The following DOCK9 variants were observed in gnomAD, a reference collection of about 807,000 sequenced individuals.
DOCK9 encodes the protein dedicator of cytokinesis protein 9.
In DOCK9, 89 loss-of-function variants were observed where a neutral mutation model predicts 263.3. The ratio of observed to expected loss-of-function variants is 0.34; its 90% CI spans 0.28 to 0.40. The LOEUF is 0.40. Among genes scored for constraint, DOCK9 ranks in the 10% least tolerant of loss-of-function variants. The probability of loss-of-function intolerance (pLI) is 1.00; values close to 1 mark genes in which losing one functional copy is unlikely to be tolerated. For missense variants in DOCK9, 2,140 were observed against 2,603.4 expected, an observed-to-expected ratio of 0.82 and a Z score of 3.87; for synonymous variants, 976 against 973.1, an observed-to-expected ratio of 1.00 and a Z score of -0.06.
At chr13:98,850,434 T>C (rs2093530970) in intron 35 of DOCK9, among the ~76,000 whole-genome samples, 1 of 152,212 alleles carries the variant, frequency 6.6e-6, no homozygotes, top group Non-Finnish European at 1.5e-5. Context: ...AGAATACAAG[T>C]GGACATATAA....
At position 98,810,273 on chromosome 13, in the gene DOCK9, G is replaced by C; in HGVS notation, c.5149C>G (p.Leu1717Val). The stretch of plus-strand genomic sequence containing the variant: ...CAGAGTCCATCTGCGCACTGCTCAA[G>C]GAGCTCCATCAGCACATCCTGATCA... ...HFNEDVLMELLEQCADGLWKA... is the reference protein window; with the variant it reads ...HFNEDVLMELVEQCADGLWKA... The change falls in exon 46 of 53, where the codon CTT becomes GTT. Residue 1717 changes from leucine (L) to valine (V), a missense_variant. This residue lies in a region of DOCK9 where 619 missense variants were observed against 861.8 expected (regional missense o/e 0.72). Coordinates refer to ENST00000682017, the MANE Select transcript of DOCK9 (RefSeq NM_001366683.2). 1 of 1,613,688 alleles carries C rather than the reference G, an allele frequency of 6.2e-7. No individual in the cohort carries two copies.
At position 98,938,632 on chromosome 13, in the gene DOCK9, T is replaced by C. The variant is rs566244640; in HGVS notation, c.244-8375A>G. Among the ~76,000 whole-genome samples, 9 of 152,358 alleles carry C rather than the reference T, an allele frequency of 5.9e-5. No homozygotes were observed. The East Asian group carries it at 1.5e-3, about 26-fold the overall frequency. Reference sequence around the variant, plus strand: ...TAAAAGGCAGGGAAGATTCACTATGTAGATTTAAATAAATATAAGAGTGAG... The same window carrying C: ...TAAAAGGCAGGGAAGATTCACTATGCAGATTTAAATAAATATAAGAGTGAG... On this transcript the variant is annotated intron_variant, in intron 2 of 52. Coordinates refer to ENST00000682017, the MANE Select transcript of DOCK9 (RefSeq NM_001366683.2).
intron 2 of DOCK9, among the ~76,000 whole-genome samples, chr13:98,945,723 T>C (rs1213010252): frequency 3.9e-5 from 6 of 152,232 alleles, no homozygotes; most frequent in Non-Finnish European, 8.8e-5. Context: ...TGGTTGATAA[T>C]TCATTTGTTT....
chr13:99,048,191 CTGTTT>C (rs368509325), intron 1 of DOCK9, among the ~76,000 whole-genome samples: 4,244 of 152,164 alleles, frequency 0.028, 96 homozygotes, highest in South Asian at 0.062. Flanking sequence ...ACAGTTTTAT[CTGTTT>C]TGTTTTGTTT....
Position 98,829,336 on chromosome 13 carries a change from T to A in DOCK9, c.4936A>T (p.Ile1646Phe). Reference sequence around the variant, plus strand: ...GAGAGATCGCCATTTTTGACATGGATCCTGGCCATGCTGTCGAGCCACGTC... The same window carrying A: ...GAGAGATCGCCATTTTTGACATGGAACCTGGCCATGCTGTCGAGCCACGTC... Reference protein sequence around the residue: ...RKTWLDSMARIHVKNGDLSEA... With the variant: ...RKTWLDSMARFHVKNGDLSEA... Residue 1646 changes from isoleucine to phenylalanine, a missense_variant, in exon 43 of 53, where the codon ATC (isoleucine) becomes TTC (phenylalanine). Transcript: ENST00000682017. The surrounding 1 kb of genome is among the most constrained non-coding windows in gnomAD (Gnocchi z 4.1). 1 of 1,613,190 alleles carries A rather than the reference T, an allele frequency of 6.2e-7. No homozygotes were observed. The highest frequency in any genetic ancestry group is 8.5e-7 in the Non-Finnish European group (1 of 1,179,630).
intron 2 of DOCK9, among the ~76,000 whole-genome samples, chr13:98,930,891 G>A (rs765935077): frequency 5.9e-5 from 9 of 152,276 alleles, no homozygotes; most frequent in South Asian, 2.1e-4. Context: ...TGATCCACCC[G>A]CCTCGGCCTC....
chr13:99,029,969 T>A lies in DOCK9; in HGVS notation c.129+56254A>T, dbSNP rs79367689. Among the ~76,000 whole-genome samples the A allele has an allele frequency of 6.5e-3, 988 of 152,290 alleles. 8 individuals carry two copies. Among genetic ancestry groups the A allele is most frequent in the Non-Finnish European group, 8.1e-3 (548 of 68,026 alleles). On this transcript the variant is annotated intron_variant, in intron 1 of 32. Transcript: ENST00000427887. ...TACACTATTTGGCAATAAAAAGGAATGAAGTACTGATACATGCTACAAGCA... is the reference window on the plus strand; with the variant it reads ...TACACTATTTGGCAATAAAAAGGAAAGAAGTACTGATACATGCTACAAGCA...
At chr13:98,877,430 G>A (rs1452484793) in intron 27 of DOCK9, among the ~76,000 whole-genome samples, 1 of 152,210 alleles carries the variant, frequency 6.6e-6, no homozygotes, top group African/African-American at 2.4e-5. Flanking sequence ...TCCTGGAAGT[G>A]TTCGTTACCT....
chr13:99,051,855 C>CAAAAAAAAAAAAAAAAAAAAAAAAAAAAA (rs11392986), intron 1 of DOCK9, among the ~76,000 whole-genome samples: 1 of 106,056 alleles, frequency 9.4e-6, no homozygotes. Flanking sequence ...CCACTAGTGG[C>CAAAAAAAAAAAAAAAAAAAAAAAAAAAAA]AAAAAAAAAA....
intron 1 of DOCK9, among the ~76,000 whole-genome samples, chr13:98,983,566 T>C (rs142453215): frequency 2.8e-4 from 42 of 151,984 alleles, no homozygotes; most frequent in African/African-American, 9.6e-4. Context: ...AGAGTTAATA[T>C]AGGAAAAGAT....
chr13:98,872,798 T>G (rs1382498985), intron 27 of DOCK9, among the ~76,000 whole-genome samples: 3 of 152,240 alleles, frequency 2.0e-5, no homozygotes, highest in African/African-American at 7.2e-5. Context: ...CTCTCTGCCC[T>G]GCTGACACAA....
intron 13 of DOCK9, among the ~76,000 whole-genome samples, chr13:98,900,027 C>G (rs1021372744): frequency 1.3e-5 from 2 of 152,178 alleles, no homozygotes; most frequent in African/African-American, 4.8e-5. Context: ...AGAAAAAAAT[C>G]ATCTCACTGT....
intron 1 of DOCK9, among the ~76,000 whole-genome samples, chr13:99,037,760 TCC>T (rs1381677157): frequency 6.6e-6 from 1 of 152,194 alleles, no homozygotes; most frequent in Non-Finnish European, 1.5e-5. Context: ...ACAGTATATA[TCC>T]ACATAATCAA....
intron 44 of DOCK9, 141 bp downstream of exon 44, chr13:98,826,689 C>T (rs560971988): frequency 9.3e-5 from 61 of 657,824 alleles, no homozygotes; most frequent in Non-Finnish European, 1.4e-4. Context: ...GCAAACATCA[C>T]GCCAGGGGAT....
chr13:98,837,014 CA>C (rs34291682), intron 39 of DOCK9, among the ~76,000 whole-genome samples: 23 of 146,856 alleles, frequency 1.6e-4, no homozygotes, highest in African/African-American at 2.0e-4. Context: ...AAAAACAAGA[CA>C]AAAAAAAAAC....
At position 98,912,390 on chromosome 13, in the gene DOCK9, G is replaced by C. The variant is rs190157350; in HGVS notation, c.960+1938C>G. Among the ~76,000 whole-genome samples the C allele has an allele frequency of 5.4e-3, 826 of 152,212 alleles. 5 individuals carry two copies. Among genetic ancestry groups the C allele is most frequent in the Non-Finnish European group, 7.0e-3 (477 of 68,014 alleles). Reference sequence around the variant, plus strand: ...AGTGAGCTCTACAATTCATGTTTGAGCATTCTGCTATTGCAAATTATACCT... The same window carrying C: ...AGTGAGCTCTACAATTCATGTTTGACCATTCTGCTATTGCAAATTATACCT... On this transcript the variant is annotated intron_variant, in intron 9 of 52. Coordinates refer to ENST00000682017, the MANE Select transcript of DOCK9 (RefSeq NM_001366683.2).
chr13:98,828,417 A>G (rs2092630086), intron 43 of DOCK9, among the ~76,000 whole-genome samples: 1 of 152,222 alleles, frequency 6.6e-6, no homozygotes. Flanking sequence ...TCTCTTAGTT[A>G]TTCCTTTTTA....
chr13:99,004,115 T>C (rs1216115380), intron 1 of DOCK9, among the ~76,000 whole-genome samples: 1 of 152,168 alleles, frequency 6.6e-6, no homozygotes. Flanking sequence ...CTCCTTCACC[T>C]GGTTAAATCC....
chr13:98,943,117 C>A (rs538869596), intron 2 of DOCK9, among the ~76,000 whole-genome samples: 1 of 152,222 alleles, frequency 6.6e-6, no homozygotes, highest in African/African-American at 2.4e-5. Context: ...AGTTGACCAG[C>A]GCCACACTGC....
Sources: allele counts gnomAD v4.1 joint callset (sites outside exome capture counted in the v4.1 genomes callset), GRCh38; gene constraint gnomAD v4.1.1; regional missense constraint gnomAD v4.1.1; non-coding constraint Gnocchi (gnomAD v3.1); transcripts MANE v1.5; gene names NCBI Gene and HGNC (gene_info 2026-07-23, HGNC 2026-07-21).